Variants in CSNK2A2IP observed in about 807,000 individuals in gnomAD.
CSNK2A2IP encodes the protein casein kinase 2 subunit alpha' interacting protein, also known as casein kinase II subunit alpha'-interacting protein.
At chr3:88,446,945 G>T in the CSNK2A2IP span, among the ~76,000 whole-genome samples, 3 of 152,028 alleles carry the variant, frequency 2.0e-5, no homozygotes, top group Non-Finnish European at 4.4e-5. Flanking sequence ...AACTTTATTA[G>T]AACTCCTGTA....
chr3:88,422,314 T>C, the CSNK2A2IP span, among the ~76,000 whole-genome samples: 1 of 152,204 alleles, frequency 6.6e-6, no homozygotes, highest in East Asian at 1.9e-4. Context: ...GCAAACTTCA[T>C]GAGGATAGAG....
chr3:88,443,606 A>G, the CSNK2A2IP span, among the ~76,000 whole-genome samples: 2 of 152,142 alleles, frequency 1.3e-5, no homozygotes, highest in African/African-American at 4.8e-5. Flanking sequence ...ATGGCCTTTT[A>G]TGTCCAGAGG....
chr3:88,364,504 A>G, the CSNK2A2IP span, among the ~76,000 whole-genome samples: 2 of 152,116 alleles, frequency 1.3e-5, no homozygotes, highest in Non-Finnish European at 2.9e-5. Flanking sequence ...GAGATAATGT[A>G]AGTAATAATA....
the CSNK2A2IP span, among the ~76,000 whole-genome samples, chr3:88,453,571 T>G: frequency 6.6e-6 from 1 of 152,098 alleles, no homozygotes. Context: ...TATCTTAGAT[T>G]TCTTTTGAAC....
chr3:88,376,348 C>T, the CSNK2A2IP span, among the ~76,000 whole-genome samples: 2 of 151,696 alleles, frequency 1.3e-5, no homozygotes, highest in African/African-American at 4.8e-5. Context: ...TGTAGGCACT[C>T]AGCAAATATA....
the CSNK2A2IP span, among the ~76,000 whole-genome samples, chr3:88,397,775 T>C: frequency 6.8e-6 from 1 of 147,528 alleles, no homozygotes; most frequent in East Asian, 2.0e-4. Flanking sequence ...CTTTTTTTTT[T>C]CAAAATAACA....
chr3:88,382,122 C>A, the CSNK2A2IP span, among the ~76,000 whole-genome samples: 2 of 152,192 alleles, frequency 1.3e-5, no homozygotes, highest in Non-Finnish European at 2.9e-5. Flanking sequence ...ATATCCTTTT[C>A]AATCTAACTT....
chr3:88,426,254 G>T, the CSNK2A2IP span, among the ~76,000 whole-genome samples: 38 of 152,040 alleles, frequency 2.5e-4, no homozygotes, highest in African/African-American at 9.2e-4. Context: ...ATTAAATATT[G>T]CCTTAATGCC....
chr3:88,383,001 G>T, the CSNK2A2IP span, among the ~76,000 whole-genome samples: 154 of 152,218 alleles, frequency 1.0e-3, no homozygotes, highest in African/African-American at 3.4e-3. Flanking sequence ...TTAACTCTGT[G>T]GCATTGTAAA....
the CSNK2A2IP span, among the ~76,000 whole-genome samples, chr3:88,459,220 A>G: frequency 6.6e-6 from 1 of 152,058 alleles, no homozygotes; most frequent in Non-Finnish European, 1.5e-5. Flanking sequence ...CTGGATTGCT[A>G]GGCATTTATC....
At chr3:88,466,676 C>T in the CSNK2A2IP span, 7 of 1,207,212 alleles carry the variant, frequency 5.8e-6, no homozygotes, top group Non-Finnish European at 7.2e-6. Flanking sequence ...AATTCTATCT[C>T]AAATACCAGA....
chr3:88,452,338 AT>A, the CSNK2A2IP span, among the ~76,000 whole-genome samples: 3 of 152,184 alleles, frequency 2.0e-5, no homozygotes, highest in East Asian at 5.8e-4. Context: ...ATGAAAATCA[AT>A]GGATTTTTAC....
chr3:88,405,836 T>G, the CSNK2A2IP span, among the ~76,000 whole-genome samples: 1 of 152,182 alleles, frequency 6.6e-6, no homozygotes, highest in African/African-American at 2.4e-5. Flanking sequence ...GTTTCATTCT[T>G]TATTCCATTA....
the CSNK2A2IP span, chr3:88,465,879 G>A: frequency 1.6e-6 from 2 of 1,231,636 alleles, no homozygotes; most frequent in Non-Finnish European, 2.0e-6. Flanking sequence ...TTTCATTGAA[G>A]TCTCATCAAA....
At chr3:88,396,677 A>T in the CSNK2A2IP span, among the ~76,000 whole-genome samples, 45 of 152,204 alleles carry the variant, frequency 3.0e-4, no homozygotes, top group Non-Finnish European at 5.7e-4. Context: ...TGCAGGAGAG[A>T]TACCTTAGTG....
At chr3:88,435,156 T>C in the CSNK2A2IP span, among the ~76,000 whole-genome samples, 1 of 152,178 alleles carries the variant, frequency 6.6e-6, no homozygotes, top group Non-Finnish European at 1.5e-5. Flanking sequence ...ACTTTCTAAA[T>C]GTAAATTGTG....
At chr3:88,370,874 T>A in the CSNK2A2IP span, among the ~76,000 whole-genome samples, 1 of 151,730 alleles carries the variant, frequency 6.6e-6, no homozygotes, top group Non-Finnish European at 1.5e-5. Context: ...ATTTTCTTTA[T>A]GAGAAGAGAC....
the CSNK2A2IP span, among the ~76,000 whole-genome samples, chr3:88,410,384 T>G: frequency 6.6e-6 from 1 of 152,044 alleles, no homozygotes; most frequent in African/African-American, 2.4e-5. Flanking sequence ...TTGAGATCAC[T>G]GGGACTCATA....
the CSNK2A2IP span, among the ~76,000 whole-genome samples, chr3:88,425,688 G>C: frequency 6.6e-6 from 1 of 152,104 alleles, no homozygotes; most frequent in Non-Finnish European, 1.5e-5. Flanking sequence ...AGTGGGAGCA[G>C]TATTAGTGGT....
Sources: allele counts gnomAD v4.1 joint callset (sites outside exome capture counted in the v4.1 genomes callset), GRCh38; gene constraint gnomAD v4.1.1; transcripts MANE v1.5; gene names NCBI Gene and HGNC (gene_info 2026-07-23, HGNC 2026-07-21).